The following SBNO2 variants were observed in gnomAD, a reference collection of about 807,000 sequenced individuals.
SBNO2 encodes the protein strawberry notch homolog 2, also known as protein strawberry notch homolog 2.
A neutral mutation model predicts 146.3 loss-of-function variants in SBNO2; 89 were observed. The ratio of observed to expected loss-of-function variants is 0.61; its 90% CI spans 0.51 to 0.73. The LOEUF (loss-of-function observed/expected upper bound fraction) is 0.73, where lower values mean the gene tolerates loss of function less well. Among genes scored for constraint, SBNO2 ranks in the 30% least tolerant of loss-of-function variants. SBNO2 has a pLI of 0.00. For synonymous variants in SBNO2, 1,147 were observed against 892.6 expected (o/e 1.29, Z -5.08); for missense variants, 2,092 against 2,003.7 (o/e 1.04, Z -0.84).
Position 1,123,036 on chromosome 19 carries a change from C to G in SBNO2, c.638G>C (p.Gly213Ala), listed in dbSNP as rs2079922187. Residue 213 changes from glycine (G) to alanine (A), a missense_variant, in exon 8 of 32, where the codon GGG becomes GCG. Coordinates refer to ENST00000361757, the MANE Select transcript of SBNO2 (RefSeq NM_014963.3). ...CACCACGCGGTCTGGGTGCTGCTTC[C>G]CGATCTTGGCTGGAGGAGCAAGGAC... ...ADYVPSKSKI[G>A]KQHPDRVVET... is the part of the protein sequence containing the mutation. The G allele has an allele frequency of 6.3e-7, 1 of 1,592,122 alleles. No individual in the cohort carries two copies. The highest frequency in any genetic ancestry group is 1.3e-5 in the African/African-American group (1 of 74,494).
chr19:1,170,728 C>T (rs756185455), intron 1 of SBNO2, among the ~76,000 whole-genome samples: 4 of 152,054 alleles, frequency 2.6e-5, no homozygotes, highest in South Asian at 4.1e-4. Context: ...ACACGCAGCA[C>T]GCACACAACA....
chr19:1,162,648 A>G (rs2080360443), intron 1 of SBNO2, among the ~76,000 whole-genome samples: 1 of 152,070 alleles, frequency 6.6e-6, no homozygotes, highest in Non-Finnish European at 1.5e-5. Flanking sequence ...CAGCTTTGTG[A>G]GGTGGAGCCC....
Position 1,112,711 on chromosome 19 carries a change from A to G in SBNO2, c.2379+107T>C, listed in dbSNP as rs1026173855. 16 of 1,445,548 alleles carry G rather than the reference A, an allele frequency of 1.1e-5. No homozygotes were observed. Among genetic ancestry groups the G allele is most frequent in the African/African-American group, 9.9e-5 (7 of 70,440 alleles). 89.5% of individuals were successfully genotyped at this position (1,445,548 alleles called of 1,614,324 possible). A position where few individuals can be genotyped will look rare whatever the true frequency, so the allele number is the denominator to read the frequency against. On this transcript the variant is annotated intron_variant, in intron 20 of 31. Transcript: ENST00000361757. This position sits in a 1 kb window ranked among gnomAD's most constrained non-coding sequence, Gnocchi z 5.9. ...ACGGCCACTCGCGCCCGCACCTGGC[A>G]CACACACACTCCAGAAGTGCGCGGG...
At chr19:1,143,983 C>G (rs557949115) in intron 4 of SBNO2, among the ~76,000 whole-genome samples, 1 of 152,364 alleles carries the variant, frequency 6.6e-6, no homozygotes, top group African/African-American at 2.4e-5. Flanking sequence ...CACATTTCCT[C>G]AGGTCTGAGT....
intron 1 of SBNO2, among the ~76,000 whole-genome samples, chr19:1,164,536 G>C (rs1212602312): frequency 4.3e-5 from 5 of 116,026 alleles, no homozygotes; most frequent in Non-Finnish European, 5.4e-5. Flanking sequence ...GGAGGAGGAG[G>C]AGGAGGAGGA....
chr19:1,116,892 G>A lies in SBNO2; in HGVS notation c.1739C>T (p.Ala580Val), dbSNP rs1163166492. 5.1e-6 allele frequency: 8 copies of A among 1,573,756 alleles called. No individual in the cohort carries two copies. Among genetic ancestry groups the A allele is most frequent in the Non-Finnish European group, 6.9e-6 (8 of 1,164,204 alleles). Residue 580 changes from alanine (A) to valine (V), a missense_variant, in exon 16 of 32, where the codon GCG (alanine) becomes GTG (valine). Ala to Val is a moderately conservative substitution (Grantham distance 64). Coordinates refer to ENST00000361757, the MANE Select transcript of SBNO2 (RefSeq NM_014963.3). ...CTCCCCCAGCACCTCCCGCGTGCGC[G>A]CCTCGCCCGTGGACTGCAGCCCGAT... ...VVIGLQSTGE[A>V]RTREVLGEND...
In SBNO2 at chr19:1,119,568, C is replaced by G. The variant is rs774886312; in HGVS notation, c.1321G>C (p.Glu441Gln). Reference sequence around the variant, plus strand: ...TCAAAGTTCCGGAAGGGTGTGCCCTCGCCCCAGATACCCAAGCGGCTCATG... The same window carrying G: ...TCAAAGTTCCGGAAGGGTGTGCCCTGGCCCCAGATACCCAAGCGGCTCATG... ...IYMSRLGIWG[E>Q]GTPFRNFEEF... Residue 441 changes from glutamate to glutamine, a missense_variant, in exon 13 of 32, where the codon GAG becomes CAG. Coordinates refer to ENST00000361757, the MANE Select transcript of SBNO2 (RefSeq NM_014963.3). The G allele has an allele frequency of 6.2e-7, 1 of 1,611,610 alleles. No individual in the cohort carries two copies. Among genetic ancestry groups the G allele is most frequent in the Non-Finnish European group, 8.5e-7 (1 of 1,179,110 alleles).
chr19:1,127,188 G>A (rs1313474013), intron 5 of SBNO2, among the ~76,000 whole-genome samples: 2 of 152,216 alleles, frequency 1.3e-5, no homozygotes, highest in African/African-American at 4.8e-5. Flanking sequence ...GCTGGGCGCT[G>A]CCTCTCCAGG....
intron 3 of SBNO2, among the ~76,000 whole-genome samples, chr19:1,148,190 G>C (rs911703862): frequency 1.3e-5 from 2 of 151,948 alleles, no homozygotes; most frequent in Non-Finnish European, 2.9e-5. Flanking sequence ...GAGGCCTTGG[G>C]TTGGAGGCGG....
Position 1,150,027 on chromosome 19 carries a change from G to C in SBNO2, c.94-585C>G, listed in dbSNP as rs900938572. 1.3e-5 allele frequency among the ~76,000 whole-genome samples: 2 copies of C among 152,166 alleles called. No homozygotes were observed. The highest frequency in any genetic ancestry group is 4.8e-5 in the African/African-American group (2 of 41,422). ...AAGCTGCACGGGGCTGGGGTGCGGG[G>C]AGCCTGCTTTGGGAAATGGTGACCA... On this transcript the variant is annotated intron_variant, in intron 2 of 31. Transcript: ENST00000361757. This position sits in a 1 kb window ranked among gnomAD's most constrained non-coding sequence, Gnocchi z 6.2.
intron 1 of SBNO2, among the ~76,000 whole-genome samples, chr19:1,155,587 C>T (rs545423022): frequency 6.6e-6 from 1 of 152,342 alleles, no homozygotes; most frequent in Admixed American, 6.5e-5. Flanking sequence ...CTTGGCCAAT[C>T]CTTGTCAAAG....
chr19:1,117,303 C>CACCTT lies in SBNO2; in HGVS notation c.1704+19_1704+20insAAGGT. ...TGCAGGCCCGGCCGCCCTCAGCCCT[C>CACCTT]GAAGGCCGCAGCCGCTCACCTTGTC... On this transcript the variant is annotated intron_variant, in intron 15 of 31. Coordinates refer to ENST00000361757, the MANE Select transcript of SBNO2 (RefSeq NM_014963.3). 6.5e-7 allele frequency: 1 copy of CACCTT among 1,548,716 alleles called. No individual in the cohort carries two copies. Among genetic ancestry groups the CACCTT allele is most frequent in the South Asian group, 1.2e-5 (1 of 83,326 alleles).
intron 11 of SBNO2, 162 bp from the exon 12 acceptor site, chr19:1,120,185 T>G: frequency 1.2e-5 from 7 of 577,904 alleles, no homozygotes; most frequent in Non-Finnish European, 1.2e-5. Flanking sequence ...CCGGCTACCA[T>G]GGGGGGCGGG....
chr19:1,147,390 G>A lies in SBNO2; in HGVS notation c.198C>T (p.Gly66=), dbSNP rs779556273. The A allele has an allele frequency of 6.7e-7, 1 of 1,503,728 alleles. No individual in the cohort carries two copies. The highest frequency in any genetic ancestry group is 1.3e-5 in the South Asian group (1 of 78,226). The allele number at this position is 1,503,728 out of a possible 1,614,324, so 93.1% of individuals were successfully genotyped here. A position where few individuals can be genotyped will look rare whatever the true frequency, so the allele number is the denominator to read the frequency against. ...RPFMSSASFL[G]SQPCPDTSYA... ...AGCTGGTGTCTGGGCAGGGCTGGCT[G>A]CCGAGGAAGGAGGCGGAGCTCATGA... The change falls in exon 4 of 32, where the codon GGC becomes GGT. Residue 66 remains glycine, a synonymous_variant. Transcript: ENST00000361757.
chr19:1,164,182 CG>C (rs1005991117), intron 1 of SBNO2, among the ~76,000 whole-genome samples: 5 of 142,736 alleles, frequency 3.5e-5, no homozygotes, highest in Non-Finnish European at 7.9e-5. Flanking sequence ...CGGGGCCTTC[CG>C]GAGGGGCCAA....
At position 1,108,615 on chromosome 19, in the gene SBNO2, G is replaced by A; in HGVS notation, c.3706C>T (p.Leu1236=). The A allele has an allele frequency of 8.4e-6, 12 of 1,432,022 alleles. No homozygotes were observed. Among genetic ancestry groups the A allele is most frequent in the East Asian group, 3.0e-5 (1 of 32,818 alleles). 88.7% of individuals were successfully genotyped at this position (1,432,022 alleles called of 1,614,324 possible). ...ADVKRRQAPA[L]GCPAPPAPRP... Reference sequence around the variant, plus strand: ...GGGGCGGGCGGGGCGGGGCAGCCCAGGGCGGGCGCCTGCCTGCGCTTCACG... The same window carrying A: ...GGGGCGGGCGGGGCGGGGCAGCCCAAGGCGGGCGCCTGCCTGCGCTTCACG... The change falls in exon 32 of 32, where the codon CTG becomes TTG. Residue 1236 remains leucine (L), a synonymous_variant. Transcript: ENST00000361757.
intron 1 of SBNO2, among the ~76,000 whole-genome samples, chr19:1,161,925 G>GGGGGGGGGGGGGT (rs2080350834): frequency 2.1e-5 from 1 of 46,614 alleles, no homozygotes; most frequent in Non-Finnish European, 4.3e-5. Context: ...GGGGGGGGGG[G>GGGGGGGGGGGGGT]TTGGGCCAGG....
intron 5 of SBNO2, 52 bp downstream of exon 5, chr19:1,127,552 G>T: frequency 6.4e-7 from 1 of 1,570,272 alleles, no homozygotes; most frequent in Non-Finnish European, 8.7e-7. Context: ...TCCCGGGCTG[G>T]GGAGGCCACG....
At position 1,144,891 on chromosome 19, in the gene SBNO2, GAGAGAC is replaced by G. The variant is rs2080173613; in HGVS notation, c.279+2412_279+2417del. On this transcript the variant is annotated intron_variant, in intron 4 of 31. Transcript: ENST00000361757. The surrounding 1 kb of genome is among the most constrained non-coding windows in gnomAD (Gnocchi z 4.1). ...ACAGACAGAGACAGAGAGGGAGACA[GAGAGAC>G]AGAGGCGGAGATGGAGACAGAGACA... Among the ~76,000 whole-genome samples, 1 of 145,350 alleles carries G rather than the reference GAGAGAC, an allele frequency of 6.9e-6. No homozygotes were observed. The highest frequency in any genetic ancestry group is 2.7e-5 in the African/African-American group (1 of 36,554).
Sources: allele counts gnomAD v4.1 joint callset (sites outside exome capture counted in the v4.1 genomes callset), GRCh38; gene constraint gnomAD v4.1.1; non-coding constraint Gnocchi (gnomAD v3.1); transcripts MANE v1.5; gene names NCBI Gene and HGNC (gene_info 2026-07-23, HGNC 2026-07-21).